Variants in TMBIM4 observed in about 807,000 individuals in gnomAD.
TMBIM4 encodes transmembrane BAX inhibitor motif containing 4.
Under a neutral mutation model 27.7 loss-of-function variants are expected in TMBIM4, and 28 were observed. That is an observed-to-expected ratio of 1.01 (90% CI 0.75 to 1.38). TMBIM4 has a LOEUF of 1.38. Among genes scored for constraint, TMBIM4 ranks in the 40% most tolerant of loss-of-function variants. The pLI is 0.00. For missense variants in TMBIM4, 265 were observed against 277.5 expected (o/e 0.95, Z 0.32); for synonymous variants, 115 against 113.1 (o/e 1.02, Z -0.11).
chr12:66,161,749 G>A (rs796641516), intron 1 of TMBIM4, among the ~76,000 whole-genome samples: 17 of 152,288 alleles, frequency 1.1e-4, no homozygotes, highest in African/African-American at 3.9e-4. Flanking sequence ...AGTGATGTGA[G>A]GGACGTAGAA....
At chr12:66,160,128 A>G (rs1430131385) in intron 1 of TMBIM4, 3 of 695,672 alleles carry the variant, frequency 4.3e-6, no homozygotes, top group Non-Finnish European at 7.9e-6. Context: ...GCTGCAACAG[A>G]TATCTTATGG....
rs562053515 is a variant in TMBIM4, at chr12:66,142,384, A to T, written c.464+3457T>A. The stretch of plus-strand genomic sequence containing the variant: ...GGGGTATGGGGAAGGTGATATTAAG[A>T]ACTTACAGCATCCGAGATATTACCC... On this transcript the variant is annotated intron_variant, in intron 5 of 6. Transcript: ENST00000358230. Among the ~76,000 whole-genome samples, 15 of 150,344 alleles carry T rather than the reference A, an allele frequency of 1.0e-4. No individual in the cohort carries two copies. In the East Asian group the frequency reaches 2.9e-3, roughly 29 times the overall value.
intron 1 of TMBIM4, among the ~76,000 whole-genome samples, chr12:66,155,984 T>C (rs1163490009): frequency 6.6e-6 from 1 of 152,210 alleles, no homozygotes; most frequent in Non-Finnish European, 1.5e-5. Context: ...AAGAAACTCG[T>C]GCTAAGCCTT....
rs190115269 is a variant in TMBIM4 at position 66,138,224 on chromosome 12, T to C, written c.511-58A>G. On this transcript the variant is annotated intron_variant, in intron 6 of 6. Transcript: ENST00000358230. ...ATTTGAGAACAGTATTAACAGGACT[T>C]AACTTACTTCCTCTAATGATTTACT... 3.1e-5 allele frequency: 48 copies of C among 1,552,568 alleles called. No homozygotes were observed. In the African/African-American group the frequency reaches 3.8e-4, roughly 12 times the overall value.
chr12:66,151,300 C>T (rs1404333979), intron 3 of TMBIM4, among the ~76,000 whole-genome samples: 3 of 152,128 alleles, frequency 2.0e-5, no homozygotes, highest in Non-Finnish European at 4.4e-5. Flanking sequence ...GTCACGTGAT[C>T]TCAGCTCACT....
rs1291952986 is a variant in TMBIM4 at position 66,145,894 on chromosome 12, AC to A, written c.410del (p.Gly137ValfsTer2). On this transcript the variant is annotated frameshift_variant, in exon 5 of 7. Transcript: ENST00000358230. LOFTEE classifies it high-confidence loss of function. ...AFILTTTVFF[G>X]LTVYTLQSKK... ...TAGATTGTAGAGTATACACAGTCAAACCAAAAAATACTGTAGTAGTCAGTAT... is the reference window on the plus strand; with the variant it reads ...TAGATTGTAGAGTATACACAGTCAAACAAAAAATACTGTAGTAGTCAGTAT... 3.1e-6 allele frequency: 5 copies of A among 1,609,532 alleles called. No homozygotes were observed. The highest frequency in any genetic ancestry group is 4.3e-6 in the Non-Finnish European group (5 of 1,176,390).
intron 1 of TMBIM4, chr12:66,169,629 G>T: frequency 2.2e-6 from 1 of 456,696 alleles, no homozygotes. Context: ...AAGCCTTCTG[G>T]GCCTGGCGCC....
At chr12:66,148,984 G>A (rs999694003) in intron 3 of TMBIM4, among the ~76,000 whole-genome samples, 1 of 152,126 alleles carries the variant, frequency 6.6e-6, no homozygotes, top group Non-Finnish European at 1.5e-5. Flanking sequence ...CACACTCCTG[G>A]TAGAAGCATC....
intron 1 of TMBIM4, among the ~76,000 whole-genome samples, chr12:66,158,686 C>CT (rs1440174006): frequency 6.6e-6 from 1 of 151,756 alleles, no homozygotes; most frequent in African/African-American, 2.4e-5. Flanking sequence ...TTTTGAGAAG[C>CT]TTAAGGAAGT....
chr12:66,164,126 C>A (rs1368396862), intron 1 of TMBIM4, among the ~76,000 whole-genome samples: 1 of 152,148 alleles, frequency 6.6e-6, no homozygotes, highest in African/African-American at 2.4e-5. Flanking sequence ...AATTCCACAA[C>A]CTTCATGATA....
intron 5 of TMBIM4, 97 bp from the exon 6 acceptor site, chr12:66,138,866 T>A (rs1455197460): frequency 7.4e-7 from 1 of 1,345,516 alleles, no homozygotes; most frequent in African/African-American, 1.5e-5. Context: ...TCCATCTGGA[T>A]TTTTTGCTGA....
Position 66,137,813 on chromosome 12 carries a change from CAAAT to C in TMBIM4, c.*143_*146del. 1.6e-6 allele frequency: 1 copy of C among 628,402 alleles called. No homozygotes were observed. Among genetic ancestry groups the C allele is most frequent in the Non-Finnish European group, 2.7e-6 (1 of 370,640 alleles). The allele number at this position is 628,402 out of a possible 1,614,324, so 38.9% of individuals were successfully genotyped here. A position where few individuals can be genotyped will look rare whatever the true frequency, so the allele number is the denominator to read the frequency against. On this transcript the variant is annotated 3_prime_UTR_variant, in exon 7 of 7. Coordinates refer to ENST00000358230, the MANE Select transcript of TMBIM4 (RefSeq NM_016056.4). ...AAAGCTCTCAAAATTACATATGATA[CAAAT>C]AAAGATTGTAACAGTATTTAATCAT...
At chr12:66,154,958 AAC>A (rs2051907623) in intron 1 of TMBIM4, among the ~76,000 whole-genome samples, 1 of 152,204 alleles carries the variant, frequency 6.6e-6, no homozygotes, top group Non-Finnish European at 1.5e-5. Flanking sequence ...GACTCATAAG[AAC>A]ACTGAGTGTC....
rs2051879022 is a variant in TMBIM4 at position 66,153,263 on chromosome 12, G to A, written c.206+77C>T. 2.0e-5 allele frequency: 17 copies of A among 854,562 alleles called. No individual in the cohort carries two copies. In the South Asian group the frequency reaches 2.7e-4, roughly 13 times the overall value. 52.9% of individuals were successfully genotyped at this position (854,562 alleles called of 1,614,324 possible). ...TAACCTCAAAAGTTAATAGAAAAAA[G>A]TGGATTTTGTTTATAATATGCCTTT... On this transcript the variant is annotated intron_variant, in intron 2 of 6. Coordinates refer to ENST00000358230, the MANE Select transcript of TMBIM4 (RefSeq NM_016056.4).
At chr12:66,157,649 G>A (rs2051959546) in intron 1 of TMBIM4, among the ~76,000 whole-genome samples, 1 of 152,140 alleles carries the variant, frequency 6.6e-6, no homozygotes, top group Admixed American at 6.5e-5. Flanking sequence ...AAGGCTAAAA[G>A]AGCCTTGAAG....
intron 5 of TMBIM4, among the ~76,000 whole-genome samples, chr12:66,139,178 C>T (rs950653148): frequency 6.6e-6 from 1 of 152,162 alleles, no homozygotes; most frequent in Non-Finnish European, 1.5e-5. Flanking sequence ...ACATGTCTAT[C>T]GAAGTTCACA....
chr12:66,158,374 C>T (rs1280519823), intron 1 of TMBIM4, among the ~76,000 whole-genome samples: 2 of 152,098 alleles, frequency 1.3e-5, no homozygotes, highest in African/African-American at 4.8e-5. Flanking sequence ...GGTGCAGTGG[C>T]TCATGCCTGT....
chr12:66,163,371 A>G (rs1448943077), intron 1 of TMBIM4, among the ~76,000 whole-genome samples: 4 of 152,176 alleles, frequency 2.6e-5, no homozygotes, highest in South Asian at 2.1e-4. Context: ...ACACTACTAT[A>G]AAGAACTCCC....
chr12:66,138,151 CACTATAAAAAAAAAACT>C lies in TMBIM4; in HGVS notation c.511-2_525del. Reference sequence around the variant, plus strand: ...GCGGCTAAGACCAACTCCATTATCTCACTATAAAAAAAAAACTATAGGGAAGAGATTAAAGAAATATG... The same window carrying C: ...GCGGCTAAGACCAACTCCATTATCTCATAGGGAAGAGATTAAAGAAATATG... On this transcript the variant is annotated splice_acceptor_variant and coding_sequence_variant, in exon 7 of 7. Transcript: ENST00000358230. LOFTEE classifies it high-confidence loss of function. 6.2e-7 allele frequency: 1 copy of C among 1,606,742 alleles called. No individual in the cohort carries two copies. The highest frequency in any genetic ancestry group is 8.5e-7 in the Non-Finnish European group (1 of 1,177,926).
Sources: gnomAD v4.1 joint callset for allele counts (sites outside exome capture counted in the v4.1 genomes callset) on GRCh38, gnomAD v4.1.1 for gene constraint, MANE v1.5 for transcripts, NCBI Gene and HGNC (gene_info 2026-07-23, HGNC 2026-07-21) for gene names.